The following GPC5 variants were observed in gnomAD, a reference collection of about 807,000 sequenced individuals.
GPC5 encodes glypican-5.
Under a neutral mutation model 53.9 loss-of-function variants are expected in GPC5, and 47 were observed. The ratio of observed to expected loss-of-function variants is 0.87; its 90% CI spans 0.69 to 1.11. GPC5 has a LOEUF of 1.11. GPC5 is among the 50% of genes most tolerant of loss of function. The pLI is 0.00. For missense variants in GPC5, 748 were observed against 713.1 expected (o/e 1.05, Z -0.56); for synonymous variants, 286 against 263.3 (o/e 1.09, Z -0.84).
intron 7 of GPC5, among the ~76,000 whole-genome samples, chr13:92,673,157 T>G (rs1219733646): frequency 1.1e-5 from 1 of 93,494 alleles, no homozygotes; most frequent in African/African-American, 2.9e-5. Context: ...TTCATTTACC[T>G]TTTTAAAAAA....
chr13:92,366,016 A>G (rs1465077826), intron 7 of GPC5, among the ~76,000 whole-genome samples: 4 of 151,724 alleles, frequency 2.6e-5, no homozygotes, highest in African/African-American at 9.8e-5. Context: ...ACATCATTGT[A>G]TGTGCTATAG....
At chr13:92,442,256 T>C (rs1294263644) in intron 7 of GPC5, among the ~76,000 whole-genome samples, 1 of 152,172 alleles carries the variant, frequency 6.6e-6, no homozygotes, top group Non-Finnish European at 1.5e-5. Flanking sequence ...TATGAGATAA[T>C]ATCCAACTCT....
intron 7 of GPC5, among the ~76,000 whole-genome samples, chr13:92,269,327 A>G (rs1276494928): frequency 6.6e-6 from 1 of 152,070 alleles, no homozygotes; most frequent in East Asian, 1.9e-4. Context: ...GTAATTTTCT[A>G]TTTGTCGATT....
chr13:91,814,634 G>C (rs1456583209), intron 5 of GPC5, among the ~76,000 whole-genome samples: 1 of 152,024 alleles, frequency 6.6e-6, no homozygotes, highest in South Asian at 2.1e-4. Flanking sequence ...TCCACCTCCT[G>C]GGTTCAAGCG....
At chr13:91,535,992 A>G (rs1218126524) in intron 2 of GPC5, among the ~76,000 whole-genome samples, 2 of 152,192 alleles carry the variant, frequency 1.3e-5, no homozygotes, top group Admixed American at 1.3e-4. Flanking sequence ...GAATATTTCT[A>G]TATATGATTA....
At chr13:92,369,387 A>T (rs1484738123) in intron 7 of GPC5, among the ~76,000 whole-genome samples, 1 of 152,206 alleles carries the variant, frequency 6.6e-6, no homozygotes, top group Non-Finnish European at 1.5e-5. Flanking sequence ...CATGTTGGCC[A>T]GGCTGGTCTT....
intron 7 of GPC5, among the ~76,000 whole-genome samples, chr13:92,200,282 G>A (rs550844221): frequency 6.0e-4 from 92 of 152,154 alleles, no homozygotes; most frequent in African/African-American, 2.2e-3. Flanking sequence ...ATCTATGAAC[G>A]CTATTGTGCT....
chr13:91,492,947 A>G lies in GPC5; in HGVS notation c.325+44025A>G, dbSNP rs115437941. 3.6e-3 allele frequency among the ~76,000 whole-genome samples: 555 copies of G among 152,136 alleles called. 3 individuals carry two copies. The highest frequency in any genetic ancestry group is 0.011 in the African/African-American group (458 of 41,542). On this transcript the variant is annotated intron_variant, in intron 2 of 7. Coordinates refer to ENST00000377067, the MANE Select transcript of GPC5 (RefSeq NM_004466.6). ...CTATCGTCACCACCTCTTTCCCCCC[A>G]GTGCTTCTCTTGCTACTGTTTCGGT... is the stretch of plus-strand genomic sequence containing the variant.
At chr13:92,505,345 G>C (rs996813432) in intron 7 of GPC5, among the ~76,000 whole-genome samples, 3 of 151,932 alleles carry the variant, frequency 2.0e-5, no homozygotes, top group Non-Finnish European at 4.4e-5. Flanking sequence ...TGGAAGTCCA[G>C]TAAACATGTG....
At chr13:92,614,982 A>T (rs1884633721) in intron 7 of GPC5, among the ~76,000 whole-genome samples, 1 of 152,204 alleles carries the variant, frequency 6.6e-6, no homozygotes, top group South Asian at 2.1e-4. Flanking sequence ...ATTTAACAGG[A>T]GATATTTTGT....
chr13:92,350,312 A>G (rs1268550991), intron 7 of GPC5, among the ~76,000 whole-genome samples: 1 of 152,160 alleles, frequency 6.6e-6, no homozygotes, highest in Non-Finnish European at 1.5e-5. Flanking sequence ...GCTTTCCTTT[A>G]AGATCTGGAA....
chr13:92,174,347 C>G (rs1210277019), intron 7 of GPC5, among the ~76,000 whole-genome samples: 4 of 146,372 alleles, frequency 2.7e-5, no homozygotes, highest in Non-Finnish European at 1.5e-5. Flanking sequence ...CGGTGAAACC[C>G]TGTCTCTACT....
intron 7 of GPC5, among the ~76,000 whole-genome samples, chr13:92,647,360 T>G (rs1885806869): frequency 6.6e-6 from 1 of 152,126 alleles, no homozygotes; most frequent in South Asian, 2.1e-4. Flanking sequence ...ATTGAGATCC[T>G]CCAGGTGCTT....
chr13:91,672,456 T>G (rs896481656), intron 2 of GPC5, among the ~76,000 whole-genome samples: 3 of 152,174 alleles, frequency 2.0e-5, no homozygotes, highest in African/African-American at 7.2e-5. Flanking sequence ...AAAGAAGGCA[T>G]TTACACGGTC....
chr13:92,357,208 T>C (rs1292959212), intron 7 of GPC5, among the ~76,000 whole-genome samples: 1 of 151,780 alleles, frequency 6.6e-6, no homozygotes, highest in Non-Finnish European at 1.5e-5. Context: ...GCAGAATGAT[T>C]TATATTCCTT....
At chr13:92,804,824 T>C (rs1350126488) in intron 7 of GPC5, among the ~76,000 whole-genome samples, 1 of 152,106 alleles carries the variant, frequency 6.6e-6, no homozygotes, top group Non-Finnish European at 1.5e-5. Context: ...TGCTGCTTTA[T>C]CAACTAAGTT....
At chr13:92,385,515 CATACATATGCATAT>C (rs1874616570) in intron 7 of GPC5, among the ~76,000 whole-genome samples, 6 of 133,290 alleles carry the variant, frequency 4.5e-5, no homozygotes, top group African/African-American at 1.5e-4. Flanking sequence ...TACATATATA[CATACATATGCATAT>C]ATACATATAT....
At chr13:92,301,933 G>A (rs1340971039) in intron 7 of GPC5, among the ~76,000 whole-genome samples, 1 of 151,634 alleles carries the variant, frequency 6.6e-6, no homozygotes, top group Non-Finnish European at 1.5e-5. Context: ...AATTAATATC[G>A]ACCACAGCTC....
At chr13:92,850,586 G>A (rs938686872) in intron 7 of GPC5, among the ~76,000 whole-genome samples, 6 of 151,972 alleles carry the variant, frequency 3.9e-5, no homozygotes, top group South Asian at 2.1e-4. Flanking sequence ...GCAACAGAGC[G>A]AGACTCCATC....
Sources: allele counts gnomAD v4.1 joint callset (sites outside exome capture counted in the v4.1 genomes callset), GRCh38; gene constraint gnomAD v4.1.1; transcripts MANE v1.5; gene names NCBI Gene and HGNC (gene_info 2026-07-23, HGNC 2026-07-21).